KCNH8: variants seen among roughly 807,000 people sequenced by gnomAD.
The protein encoded by KCNH8 is potassium voltage-gated channel subfamily H member 8, also known as voltage-gated delayed rectifier potassium channel KCNH8.
KCNH8 carries 70 observed loss-of-function variants against 103.6 expected under a neutral mutation model. The ratio of observed to expected loss-of-function variants is 0.68; its 90% confidence interval spans 0.56 to 0.82. The LOEUF is 0.82. Among genes scored for constraint, KCNH8 ranks in the 40% least tolerant of loss-of-function variants. The pLI is 0.00. For missense variants in KCNH8, 1,217 were observed against 1,329.9 expected (o/e 0.92, Z 1.32); for synonymous variants, 498 against 489.4 (o/e 1.02, Z -0.23).
chr3:19,284,643 T>C (rs562886502), intron 3 of KCNH8, among the ~76,000 whole-genome samples: 1 of 152,038 alleles, frequency 6.6e-6, no homozygotes, highest in Admixed American at 6.6e-5. Context: ...TTTTGGCACA[T>C]AGTTTACTTC....
chr3:19,271,766 G>C (rs2064591743), intron 2 of KCNH8, among the ~76,000 whole-genome samples: 2 of 152,232 alleles, frequency 1.3e-5, no homozygotes, highest in Middle Eastern at 3.4e-3. Context: ...AAATGGCAAA[G>C]TAAATGACTG....
chr3:19,261,316 T>G (rs191380633), intron 2 of KCNH8, among the ~76,000 whole-genome samples: 2 of 151,864 alleles, frequency 1.3e-5, no homozygotes, highest in Non-Finnish European at 2.9e-5. Flanking sequence ...TGATATTGCA[T>G]AGTAGTTTTA....
chr3:19,473,534 ATTG>A (rs1211199991), intron 11 of KCNH8, among the ~76,000 whole-genome samples: 1 of 152,162 alleles, frequency 6.6e-6, no homozygotes, highest in Non-Finnish European at 1.5e-5. Context: ...TATTTACATT[ATTG>A]TTCTTCATCC....
chr3:19,326,347 T>G (rs1291348913), intron 3 of KCNH8, among the ~76,000 whole-genome samples: 1 of 120,268 alleles, frequency 8.3e-6, no homozygotes, highest in Non-Finnish European at 1.6e-5. Flanking sequence ...GAACTTACAA[T>G]GAAAGTTAAA....
At chr3:19,158,955 T>C (rs1027023573) in intron 1 of KCNH8, among the ~76,000 whole-genome samples, 6 of 151,954 alleles carry the variant, frequency 3.9e-5, no homozygotes, top group African/African-American at 1.4e-4. Context: ...ATGGCGACCA[T>C]AAAGAAAACC....
At chr3:19,472,195 C>CGTGTGT (rs57766729) in intron 11 of KCNH8, among the ~76,000 whole-genome samples, 29 of 137,486 alleles carry the variant, frequency 2.1e-4, no homozygotes, top group South Asian at 1.3e-3. Context: ...TCACTTCATT[C>CGTGTGT]GTGTGTGTGT....
At chr3:19,288,181 C>CTTTTTTTTTTTCTTTTTTTTTTT (rs2064861256) in intron 3 of KCNH8, among the ~76,000 whole-genome samples, 13 of 38,174 alleles carry the variant, frequency 3.4e-4, no homozygotes, top group African/African-American at 1.3e-3. Flanking sequence ...TATCAAACTT[C>CTTTTTTTTTTTCTTTTTTTTTTT]TTTTTTTTTT....
intron 5 of KCNH8, among the ~76,000 whole-genome samples, chr3:19,353,259 A>G (rs2065830397): frequency 6.6e-6 from 1 of 152,192 alleles, no homozygotes; most frequent in Admixed American, 6.5e-5. Flanking sequence ...ATCAACCAAA[A>G]AAAGTCCAGG....
intron 7 of KCNH8, among the ~76,000 whole-genome samples, chr3:19,437,318 T>C (rs1244384242): frequency 6.6e-6 from 1 of 152,170 alleles, no homozygotes; most frequent in Non-Finnish European, 1.5e-5. Context: ...GATTTTTGTG[T>C]TGTGTTTAAA....
intron 2 of KCNH8, among the ~76,000 whole-genome samples, chr3:19,272,994 T>C (rs529519279): frequency 1.3e-5 from 2 of 152,294 alleles, no homozygotes; most frequent in South Asian, 2.1e-4. Context: ...ACTCAATAAA[T>C]ATCCACTGAA....
Position 19,451,298 on chromosome 3 carries a change from T to C in KCNH8, c.1719T>C (p.Ala573=), listed in dbSNP as rs1330203349. The C allele has an allele frequency of 1.9e-6, 3 of 1,613,836 alleles. No homozygotes were observed. The highest frequency in any genetic ancestry group is 2.5e-6 in the Non-Finnish European group (3 of 1,179,898). Reference sequence around the variant, plus strand: ...TACACATCAAAACCTCTTTCTGTGCTCCGGGGGAGTATCTGCTGCGTCAAG... The same window carrying C: ...TACACATCAAAACCTCTTTCTGTGCCCCGGGGGAGTATCTGCTGCGTCAAG... ...LSLHIKTSFC[A]PGEYLLRQGD... Residue 573 remains alanine (A), a synonymous_variant, in exon 10 of 16, where the codon GCT becomes GCC. Transcript: ENST00000328405.
At chr3:19,390,757 T>G (rs147461726) in intron 6 of KCNH8, 119 bp downstream of exon 6, 4 of 893,032 alleles carry the variant, frequency 4.5e-6, no homozygotes, top group Non-Finnish European at 6.7e-6. Context: ...TCAATAAAGA[T>G]GCCCTGATGC....
At chr3:19,406,574 A>T (rs989857605) in intron 7 of KCNH8, among the ~76,000 whole-genome samples, 9 of 152,130 alleles carry the variant, frequency 5.9e-5, no homozygotes, top group Non-Finnish European at 2.9e-5. Context: ...ATTAGCCCAG[A>T]TGTTGTGAGA....
At chr3:19,154,903 T>A (rs997680662) in intron 1 of KCNH8, among the ~76,000 whole-genome samples, 1 of 152,238 alleles carries the variant, frequency 6.6e-6, no homozygotes, top group Admixed American at 6.5e-5. Context: ...TTTGCTGATC[T>A]CATCTAAATG....
rs1575540796 is a variant in KCNH8 at position 19,341,948 on chromosome 3, A to G, written c.443-639A>G. 3.3e-5 allele frequency among the ~76,000 whole-genome samples: 5 copies of G among 152,240 alleles called. 1 individual carries two copies. The South Asian group carries it at 1.0e-3, about 32-fold the overall frequency. ...ACTGAATAAACTCAAAACTGTATGCATTTAAGAATTTTCTTTGCAGGATTG... is the reference window on the plus strand; with the variant it reads ...ACTGAATAAACTCAAAACTGTATGCGTTTAAGAATTTTCTTTGCAGGATTG... On this transcript the variant is annotated intron_variant, in intron 3 of 15. Coordinates refer to ENST00000328405, the MANE Select transcript of KCNH8 (RefSeq NM_144633.3).
At chr3:19,368,151 A>G (rs547192899) in intron 5 of KCNH8, among the ~76,000 whole-genome samples, 1 of 152,196 alleles carries the variant, frequency 6.6e-6, no homozygotes, top group South Asian at 2.1e-4. Context: ...CAGGCCTGAT[A>G]TAAATCTGAT....
chr3:19,495,109 G>A (rs970914314), intron 11 of KCNH8, among the ~76,000 whole-genome samples: 9 of 152,012 alleles, frequency 5.9e-5, no homozygotes, highest in African/African-American at 2.2e-4. Context: ...GACCTTTGTT[G>A]GATGCATAGT....
At chr3:19,386,793 C>G (rs1329268431) in intron 5 of KCNH8, among the ~76,000 whole-genome samples, 2 of 151,994 alleles carry the variant, frequency 1.3e-5, no homozygotes, top group East Asian at 3.9e-4. Flanking sequence ...AGATCATATT[C>G]TTATTGTAAT....
chr3:19,183,039 T>C (rs2063470716), intron 1 of KCNH8, among the ~76,000 whole-genome samples: 1 of 152,190 alleles, frequency 6.6e-6, no homozygotes, highest in African/African-American at 2.4e-5. Flanking sequence ...TACAAGTTTC[T>C]CAACCTGATT....
Sources: allele counts gnomAD v4.1 joint callset (sites outside exome capture counted in the v4.1 genomes callset), GRCh38; gene constraint gnomAD v4.1.1; transcripts MANE v1.5; gene names NCBI Gene and HGNC (gene_info 2026-07-23, HGNC 2026-07-21).